Variants in RGS7 observed in about 807,000 individuals in gnomAD.
RGS7 encodes regulator of G protein signaling 7.
Under a neutral mutation model 81.1 loss-of-function variants are expected in RGS7, and 27 were observed. The observed-to-expected ratio is 0.33, with a 90% CI of 0.25 to 0.46. The LOEUF is 0.46. Among genes scored for constraint, RGS7 ranks in the 20% least tolerant of loss-of-function variants. RGS7 has a pLI of 1.00. For missense variants in RGS7, 396 were observed against 607.4 expected (o/e 0.65, Z 3.66); for synonymous variants, 208 against 207.7 (o/e 1.00, Z -0.01).
intron 3 of RGS7, among the ~76,000 whole-genome samples, chr1:241,044,606 T>G (rs1030981132): frequency 7.4e-6 from 1 of 135,624 alleles, no homozygotes; most frequent in East Asian, 2.0e-4. Context: ...ATTTATTTAT[T>G]TTTTTTGTAG....
chr1:241,326,362 C>T (rs992538035), intron 2 of RGS7, among the ~76,000 whole-genome samples: 3 of 152,174 alleles, frequency 2.0e-5, no homozygotes, highest in Non-Finnish European at 4.4e-5. Context: ...TAAATAACCT[C>T]CTCTTCAATT....
intron 2 of RGS7, among the ~76,000 whole-genome samples, chr1:241,235,654 CTT>C (rs893704994): frequency 5.6e-5 from 5 of 89,532 alleles, no homozygotes; most frequent in African/African-American, 4.4e-5. Context: ...CTCATTCTCT[CTT>C]TCTTTCTCTT....
intron 9 of RGS7, among the ~76,000 whole-genome samples, chr1:240,832,325 T>A (rs1693991144): frequency 6.6e-6 from 1 of 152,184 alleles, no homozygotes; most frequent in South Asian, 2.1e-4. Flanking sequence ...TGGAAGAGAA[T>A]TGTGTTATTT....
intron 3 of RGS7, among the ~76,000 whole-genome samples, chr1:241,079,140 C>A (rs902556327): frequency 1.3e-5 from 2 of 152,146 alleles, no homozygotes; most frequent in East Asian, 3.9e-4. Context: ...CTCTAGTGTT[C>A]CCTGCTGAGA....
intron 6 of RGS7, among the ~76,000 whole-genome samples, chr1:240,922,705 A>G (rs1022313977): frequency 6.6e-6 from 1 of 152,118 alleles, no homozygotes; most frequent in African/African-American, 2.4e-5. Context: ...AATCCAAAAC[A>G]TTGAAAACAC....
intron 4 of RGS7, among the ~76,000 whole-genome samples, chr1:240,944,843 A>G (rs552593215): frequency 1.6e-4 from 24 of 152,338 alleles, no homozygotes; most frequent in Admixed American, 2.6e-4. Flanking sequence ...CCTCTCAAGT[A>G]GCTGGGACTA....
intron 3 of RGS7, among the ~76,000 whole-genome samples, chr1:241,022,028 C>T (rs2059562023): frequency 6.6e-6 from 1 of 152,130 alleles, no homozygotes; most frequent in South Asian, 2.1e-4. Context: ...GTTAAGACAG[C>T]AGATTTAAAC....
intron 3 of RGS7, among the ~76,000 whole-genome samples, chr1:241,029,072 AAG>A (rs1231139309): frequency 1.3e-5 from 2 of 152,180 alleles, no homozygotes; most frequent in African/African-American, 4.8e-5. Flanking sequence ...CAAAGGGACA[AAG>A]AGATTTCTGG....
intron 18 of RGS7, among the ~76,000 whole-genome samples, chr1:240,793,119 T>A (rs368555368): frequency 6.6e-6 from 1 of 152,172 alleles, no homozygotes; most frequent in Non-Finnish European, 1.5e-5. Context: ...CATTTCCCAC[T>A]GTGGGGAGTG....
intron 6 of RGS7, among the ~76,000 whole-genome samples, chr1:240,929,724 C>T (rs1675081280): frequency 6.6e-6 from 1 of 152,214 alleles, no homozygotes; most frequent in Admixed American, 6.5e-5. Context: ...ACCTCAAACG[C>T]TTGCCCTGCC....
At chr1:241,138,876 C>T (rs2067715182) in intron 2 of RGS7, among the ~76,000 whole-genome samples, 1 of 151,918 alleles carries the variant, frequency 6.6e-6, no homozygotes, top group African/African-American at 2.4e-5. Context: ...AACAAACGCA[C>T]CAGGCATTAA....
rs766031150 is a variant in RGS7 at position 241,355,808 on chromosome 1, C to T, written c.-32G>A. The T allele has an allele frequency of 6.3e-7, 1 of 1,578,132 alleles. No homozygotes were observed. Among genetic ancestry groups the T allele is most frequent in the Non-Finnish European group, 8.7e-7 (1 of 1,147,090 alleles). On this transcript the variant is annotated 5_prime_UTR_variant, in exon 2 of 19. Coordinates refer to ENST00000440928, the MANE Select transcript of RGS7 (RefSeq NM_001364886.1). ...CAAAACTTGGTCCACTCTCAAGATACAAGAATTATCAGTGTGCCCTGCAAA... is the reference window on the plus strand; with the variant it reads ...CAAAACTTGGTCCACTCTCAAGATATAAGAATTATCAGTGTGCCCTGCAAA...
chr1:241,010,528 G>C (rs896622259), intron 3 of RGS7, among the ~76,000 whole-genome samples: 1 of 152,210 alleles, frequency 6.6e-6, no homozygotes, highest in African/African-American at 2.4e-5. Context: ...AATCATTGCT[G>C]ATCGTTTGTA....
At chr1:241,000,432 A>G (rs1687956170) in intron 3 of RGS7, among the ~76,000 whole-genome samples, 1 of 152,222 alleles carries the variant, frequency 6.6e-6, no homozygotes, top group Non-Finnish European at 1.5e-5. Flanking sequence ...CAGGTTGTGT[A>G]TTAATTATCC....
chr1:241,325,412 T>C (rs1240863505), intron 2 of RGS7, among the ~76,000 whole-genome samples: 2 of 152,148 alleles, frequency 1.3e-5, no homozygotes, highest in Non-Finnish European at 2.9e-5. Context: ...CTCTCCACAG[T>C]TACTCACGCT....
chr1:240,953,594 G>A (rs1368658111), intron 4 of RGS7, among the ~76,000 whole-genome samples: 1 of 151,876 alleles, frequency 6.6e-6, no homozygotes, highest in Non-Finnish European at 1.5e-5. Context: ...CAAAGGCAGT[G>A]GTTAAAGGGA....
chr1:241,127,622 A>G (rs1384008192), intron 2 of RGS7, among the ~76,000 whole-genome samples: 1 of 152,188 alleles, frequency 6.6e-6, no homozygotes, highest in African/African-American at 2.4e-5. Flanking sequence ...CAGCACACCA[A>G]CATGGCACAT....
intron 18 of RGS7, among the ~76,000 whole-genome samples, chr1:240,788,097 T>G (rs533594000): frequency 6.6e-6 from 1 of 152,354 alleles, no homozygotes; most frequent in East Asian, 1.9e-4. Context: ...AGAAGCTCAC[T>G]TTCCCATTTT....
intron 2 of RGS7, among the ~76,000 whole-genome samples, chr1:241,119,176 ATATC>A (rs1459545341): frequency 6.6e-6 from 1 of 152,232 alleles, no homozygotes; most frequent in Non-Finnish European, 1.5e-5. Context: ...GGTAACATGA[ATATC>A]TATCACAACT....
Sources: allele counts gnomAD v4.1 joint callset (sites outside exome capture counted in the v4.1 genomes callset), GRCh38; gene constraint gnomAD v4.1.1; transcripts MANE v1.5; gene names NCBI Gene and HGNC (gene_info 2026-07-23, HGNC 2026-07-21).